AK5: variants seen among roughly 807,000 people sequenced by gnomAD.
The protein encoded by AK5 is adenylate kinase 5.
AK5 carries 27 observed loss-of-function variants against 69.5 expected under a neutral mutation model. That is an observed-to-expected ratio of 0.39 (90% confidence interval 0.29 to 0.54). AK5 has a LOEUF of 0.54. Among genes scored for constraint, AK5 ranks in the 20% least tolerant of loss-of-function variants. The probability of loss-of-function intolerance (pLI) is 0.71; values close to 1 mark genes in which losing one functional copy is unlikely to be tolerated. For synonymous variants in AK5, 260 were observed against 244.4 expected, an observed-to-expected ratio of 1.06 and a Z score of -0.60; for missense variants, 531 against 700.4, an observed-to-expected ratio of 0.76 and a Z score of 2.73.
chr1:77,438,317 AAAAAAAAC>A (rs1343928792), intron 8 of AK5, among the ~76,000 whole-genome samples: 14 of 129,500 alleles, frequency 1.1e-4, no homozygotes, highest in South Asian at 2.3e-4. Context: ...AAAAAAAAAA[AAAAAAAAC>A]AAGCTTGGGG....
chr1:77,375,473 C>T (rs1647208831), intron 6 of AK5, among the ~76,000 whole-genome samples: 2 of 152,156 alleles, frequency 1.3e-5, no homozygotes, highest in African/African-American at 4.8e-5. Flanking sequence ...AGCCTCAGAG[C>T]TGTACTTCCC....
chr1:77,495,769 G>T (rs1007543175), intron 10 of AK5, among the ~76,000 whole-genome samples: 4 of 152,108 alleles, frequency 2.6e-5, no homozygotes, highest in Non-Finnish European at 5.9e-5. Flanking sequence ...AAGCTCCCCT[G>T]TATACTGATC....
chr1:77,441,052 G>A (rs550415041), intron 8 of AK5, among the ~76,000 whole-genome samples: 4 of 152,192 alleles, frequency 2.6e-5, no homozygotes, highest in African/African-American at 9.6e-5. Flanking sequence ...CTCAGCCAGA[G>A]GTTCTTTGTT....
chr1:77,540,655 A>G (rs6695989), intron 13 of AK5: 92,105 of 152,152 alleles, frequency 0.61, 30,612 homozygotes, highest in Non-Finnish European at 0.74. Flanking sequence ...GGGCCTGTGC[A>G]TCAGAAAGCC....
intron 6 of AK5, among the ~76,000 whole-genome samples, chr1:77,381,722 T>A (rs1647647797): frequency 6.6e-6 from 1 of 152,222 alleles, no homozygotes; most frequent in African/African-American, 2.4e-5. Flanking sequence ...CTCTATTTTA[T>A]CATTACCACT....
chr1:77,324,132 C>T (rs1474086585), intron 5 of AK5, among the ~76,000 whole-genome samples: 1 of 152,064 alleles, frequency 6.6e-6, no homozygotes, highest in African/African-American at 2.4e-5. Context: ...TGGCAATCTA[C>T]CCATTTACTA....
At chr1:77,295,781 T>G (rs1370136722) in intron 3 of AK5, among the ~76,000 whole-genome samples, 1 of 152,198 alleles carries the variant, frequency 6.6e-6, no homozygotes, top group African/African-American at 2.4e-5. Flanking sequence ...CAAATTAATC[T>G]TGTATAAAAG....
chr1:77,536,207 T>A (rs955928516), intron 13 of AK5, among the ~76,000 whole-genome samples, 169 bp downstream of exon 13: 2 of 152,080 alleles, frequency 1.3e-5, no homozygotes, highest in African/African-American at 4.8e-5. Context: ...ATGCCTGTAA[T>A]CCCAACACTG....
At chr1:77,390,683 T>C (rs145560186) in intron 6 of AK5, among the ~76,000 whole-genome samples, 252 of 152,296 alleles carry the variant, frequency 1.7e-3, no homozygotes, top group Admixed American at 4.6e-3. Context: ...ACATAGGAAA[T>C]AAAAGCAAAC....
At chr1:77,369,288 C>T (rs1647075885) in intron 6 of AK5, among the ~76,000 whole-genome samples, 1 of 152,108 alleles carries the variant, frequency 6.6e-6, no homozygotes, top group African/African-American at 2.4e-5. Context: ...CCTGTGCTCT[C>T]CCCAGTCCAC....
chr1:77,500,802 C>CA (rs1191214806), intron 10 of AK5, among the ~76,000 whole-genome samples: 1 of 151,806 alleles, frequency 6.6e-6, no homozygotes, highest in Admixed American at 6.6e-5. Flanking sequence ...ACAACAGCAA[C>CA]AAAAAAACAA....
At chr1:77,511,805 C>G (rs914799103) in intron 10 of AK5, among the ~76,000 whole-genome samples, 1 of 152,144 alleles carries the variant, frequency 6.6e-6, no homozygotes, top group African/African-American at 2.4e-5. Context: ...GCAAAGGATT[C>G]AAAGTTGCTA....
Position 77,521,928 on chromosome 1 carries a change from A to C in AK5, c.1413A>C (p.Glu471Asp). 1.9e-6 allele frequency: 3 copies of C among 1,611,892 alleles called. No individual in the cohort carries two copies. Among genetic ancestry groups the C allele is most frequent in the Non-Finnish European group, 2.5e-6 (3 of 1,179,082 alleles). ...ATCCTCGGGAGGTGAAGCAAGGGGA[A>C]GAGTTCGGACGCAGGGTGAGTGGTT... ...DGYPREVKQG[E>D]EFGRRIGDPQ... The change falls in exon 12 of 14, where the codon GAA becomes GAC. Residue 471 changes from glutamate to aspartate, a missense_variant. By Grantham distance (45) the Glu-to-Asp change is conservative (BLOSUM62 2). Coordinates refer to ENST00000354567, the MANE Select transcript of AK5 (RefSeq NM_174858.3).
chr1:77,493,656 T>C (rs548579321), intron 10 of AK5, among the ~76,000 whole-genome samples: 3 of 152,148 alleles, frequency 2.0e-5, no homozygotes, highest in East Asian at 3.9e-4. Flanking sequence ...ACACCAGATC[T>C]CCACAGTTCT....
intron 5 of AK5, among the ~76,000 whole-genome samples, chr1:77,332,807 A>C (rs1661160057): frequency 6.7e-6 from 1 of 148,358 alleles, no homozygotes; most frequent in South Asian, 2.1e-4. Flanking sequence ...CAGCATTATA[A>C]ATAAATGTTG....
At chr1:77,496,740 G>A (rs529308177) in intron 10 of AK5, among the ~76,000 whole-genome samples, 1 of 152,306 alleles carries the variant, frequency 6.6e-6, no homozygotes, top group African/African-American at 2.4e-5. Context: ...CTAAAGGATT[G>A]TAAATGCACC....
intron 8 of AK5, among the ~76,000 whole-genome samples, chr1:77,427,185 A>G (rs999589465): frequency 1.3e-5 from 2 of 152,018 alleles, no homozygotes; most frequent in African/African-American, 4.8e-5. Context: ...TAAATAGGAA[A>G]TCAAAACAGA....
intron 5 of AK5, among the ~76,000 whole-genome samples, chr1:77,324,476 T>G (rs957632862): frequency 6.6e-6 from 1 of 152,134 alleles, no homozygotes; most frequent in Non-Finnish European, 1.5e-5. Flanking sequence ...ACATTCAAAT[T>G]GCAACGACTG....
chr1:77,558,602 A>G lies in AK5; in HGVS notation c.1621A>G (p.Ile541Val). Residue 541 changes from isoleucine to valine, a missense_variant and splice_region_variant, in exon 14 of 14, where the codon ATA becomes GTA. Transcript: ENST00000354567. ...YYETKTQLHKINAEGTPEDVF... is the reference protein window; with the variant it reads ...YYETKTQLHKVNAEGTPEDVF... ...TCTCTTTTTTTCCTTTTAAATATAG[A>G]TAAATGCAGAGGGAACACCAGAGGA... The G allele has an allele frequency of 1.3e-6, 2 of 1,578,748 alleles. No individual in the cohort carries two copies. Among genetic ancestry groups the G allele is most frequent in the Non-Finnish European group, 1.7e-6 (2 of 1,148,712 alleles).
Sources: allele counts gnomAD v4.1 joint callset (sites outside exome capture counted in the v4.1 genomes callset), GRCh38; gene constraint gnomAD v4.1.1; transcripts MANE v1.5; gene names NCBI Gene and HGNC (gene_info 2026-07-23, HGNC 2026-07-21).